Variants in PPARG observed in about 807,000 individuals in gnomAD.
The protein encoded by PPARG is peroxisome proliferator activated receptor gamma.
PPARG carries 17 observed loss-of-function variants against 39.2 expected under a neutral mutation model. The observed-to-expected ratio is 0.43, with a 90% CI of 0.30 to 0.65. The LOEUF (loss-of-function observed/expected upper bound fraction) is 0.65, where lower values mean the gene tolerates loss of function less well. Among genes scored for constraint, PPARG ranks in the 30% least tolerant of loss-of-function variants. The pLI, the probability that PPARG is intolerant of heterozygous loss-of-function variation, is 0.13. For synonymous variants in PPARG, 223 were observed against 215.7 expected (o/e 1.03, Z -0.30); for missense variants, 406 against 585.9 (o/e 0.69, Z 3.17).
chr3:12,327,799 C>T (rs2047736699), intron 2 of PPARG, among the ~76,000 whole-genome samples: 1 of 152,208 alleles, frequency 6.6e-6, no homozygotes, highest in South Asian at 2.1e-4. Flanking sequence ...AAGGATGGCA[C>T]TTGCTTCTTT....
chr3:12,399,694 AAAG>A (rs2050399128), intron 5 of PPARG, among the ~76,000 whole-genome samples: 2 of 151,516 alleles, frequency 1.3e-5, no homozygotes, highest in Admixed American at 1.3e-4. Flanking sequence ...GAAGGGAGGA[AAAG>A]AAGGAAGGAA....
intron 2 of PPARG, among the ~76,000 whole-genome samples, chr3:12,325,177 C>T (rs557774190): frequency 3.9e-5 from 6 of 152,058 alleles, no homozygotes; most frequent in Admixed American, 1.3e-4. Context: ...AATCCCAACA[C>T]TGGGAGGCTG....
chr3:12,390,824 A>AT (rs1490188550), intron 4 of PPARG, among the ~76,000 whole-genome samples: 3 of 151,184 alleles, frequency 2.0e-5, no homozygotes, highest in African/African-American at 7.3e-5. Flanking sequence ...AATTTTTTGT[A>AT]TTTTTTTATA....
chr3:12,365,845 G>A (rs1437250472), intron 2 of PPARG, among the ~76,000 whole-genome samples: 1 of 151,874 alleles, frequency 6.6e-6, no homozygotes, highest in African/African-American at 2.4e-5. Context: ...TCAGTCCTTC[G>A]ACTTTATTCT....
intron 2 of PPARG, among the ~76,000 whole-genome samples, chr3:12,373,190 C>CAAAAT (rs1294494074): frequency 6.6e-6 from 1 of 151,952 alleles, no homozygotes; most frequent in Non-Finnish European, 1.5e-5. Context: ...ATCTCTAAGT[C>CAAAAT]AAAATAAAAT....
intron 2 of PPARG, among the ~76,000 whole-genome samples, chr3:12,358,747 T>C (rs1166445482): frequency 2.0e-5 from 3 of 152,202 alleles, no homozygotes; most frequent in Non-Finnish European, 2.9e-5. Context: ...TGTTTGCCAT[T>C]GATACAGTCA....
chr3:12,382,072 C>T (rs2049689865), intron 4 of PPARG, among the ~76,000 whole-genome samples: 2 of 152,084 alleles, frequency 1.3e-5, no homozygotes, highest in Admixed American at 6.6e-5. Context: ...GTAGAAATTA[C>T]AGGTTAGTAA....
intron 7 of PPARG, among the ~76,000 whole-genome samples, chr3:12,424,841 T>C (rs922952779): frequency 1.3e-5 from 2 of 152,188 alleles, no homozygotes; most frequent in Admixed American, 1.3e-4. Flanking sequence ...TATTTATCTC[T>C]CTGAGCCTTA....
chr3:12,357,063 G>A (rs571281453), intron 2 of PPARG, among the ~76,000 whole-genome samples: 72 of 152,132 alleles, frequency 4.7e-4, no homozygotes, highest in African/African-American at 1.6e-3. Flanking sequence ...CCAGGACACC[G>A]TCTGTGCCTG....
intron 7 of PPARG, among the ~76,000 whole-genome samples, chr3:12,417,888 C>CTTTTTTTTTTTTTTTTTTTTTT (rs1240237792): frequency 1.6e-5 from 1 of 64,066 alleles, no homozygotes. Context: ...TTTTTTTTTT[C>CTTTTTTTTTTTTTTTTTTTTTT]TTTTTTTTTT....
intron 4 of PPARG, among the ~76,000 whole-genome samples, chr3:12,384,063 C>A (rs1286394829): frequency 2.0e-5 from 3 of 151,898 alleles, no homozygotes; most frequent in Non-Finnish European, 2.9e-5. Context: ...TTCCAGAATT[C>A]CTAGACTAAA....
intron 2 of PPARG, among the ~76,000 whole-genome samples, chr3:12,338,095 C>T (rs1178600015): frequency 1.3e-5 from 2 of 152,158 alleles, no homozygotes; most frequent in Non-Finnish European, 2.9e-5. Context: ...AATACCAGAT[C>T]TTAGATCCTA....
intron 2 of PPARG, among the ~76,000 whole-genome samples, chr3:12,333,848 C>G (rs2047932141): frequency 6.6e-6 from 1 of 152,144 alleles, no homozygotes. Context: ...TGCTGTCTTT[C>G]AAAAGGCCGT....
chr3:12,357,058 A>G (rs2048688970), intron 2 of PPARG, among the ~76,000 whole-genome samples: 1 of 152,092 alleles, frequency 6.6e-6, no homozygotes, highest in South Asian at 2.1e-4. Context: ...CCAGTCCAGG[A>G]CACCGTCTGT....
chr3:12,328,333 G>A, intron 2 of PPARG: 6 of 856,348 alleles, frequency 7.0e-6, no homozygotes, highest in Non-Finnish European at 1.1e-5. Context: ...TGGGGGCAGA[G>A]GAGTCTCTGC....
intron 2 of PPARG, among the ~76,000 whole-genome samples, chr3:12,354,033 T>C (rs2048576805): frequency 6.6e-6 from 1 of 152,208 alleles, no homozygotes; most frequent in Non-Finnish European, 1.5e-5. Flanking sequence ...TGATAAATGC[T>C]GCAATAGACA....
At chr3:12,322,877 C>G (rs2125025141) in intron 2 of PPARG, among the ~76,000 whole-genome samples, 1 of 152,230 alleles carries the variant, frequency 6.6e-6, no homozygotes, top group African/African-American at 2.4e-5. Flanking sequence ...TCTTGGCTCA[C>G]TGCAACCTCA....
intron 7 of PPARG, among the ~76,000 whole-genome samples, chr3:12,422,090 T>G (rs956967297): frequency 1.3e-5 from 2 of 152,228 alleles, no homozygotes; most frequent in Admixed American, 1.3e-4. Flanking sequence ...ACCAGATAGA[T>G]AGATTTTTTA....
chr3:12,348,268 C>T (rs1049102246), intron 2 of PPARG, among the ~76,000 whole-genome samples: 24 of 152,000 alleles, frequency 1.6e-4, no homozygotes, highest in Admixed American at 1.6e-3. Flanking sequence ...GATTTTTAGA[C>T]CTTTTCTTAC....
Sources: gnomAD v4.1 joint callset for allele counts (sites outside exome capture counted in the v4.1 genomes callset) on GRCh38, gnomAD v4.1.1 for gene constraint, MANE v1.5 for transcripts, NCBI Gene and HGNC (gene_info 2026-07-23, HGNC 2026-07-21) for gene names.